Variants in ANO7 observed in about 807,000 individuals in gnomAD.
ANO7 encodes anoctamin-7.
In ANO7, 114 loss-of-function variants were observed where a neutral mutation model predicts 115.8. The observed-to-expected ratio is 0.98, with a 90% confidence interval of 0.85 to 1.15. ANO7 has a LOEUF of 1.15. Ranked by LOEUF, ANO7 falls within the 50% of genes most tolerant of loss-of-function variation. The probability of loss-of-function intolerance (pLI) is 0.00; values close to 1 mark genes in which losing one functional copy is unlikely to be tolerated. For synonymous variants in ANO7, 550 were observed against 498.2 expected (o/e 1.10, Z -1.38); for missense variants, 1,302 against 1,201.2 (o/e 1.08, Z -1.24).
rs1448282490 is a variant in ANO7 at position 241,202,257 on chromosome 2, C to G, written c.676C>G (p.Gln226Glu). The G allele has an allele frequency of 1.9e-6, 3 of 1,613,672 alleles. No individual in the cohort carries two copies. The South Asian group carries it at 3.3e-5, about 18-fold the overall frequency. ...GAAGAAAAACCTGCTTGGGATCCAC[C>G]AGCTGCTGGCAGAGGGTGTCCTCAG... Reference protein sequence around the residue: ...HEKKNLLGIHQLLAEGVLSAA... With the variant: ...HEKKNLLGIHELLAEGVLSAA... The change falls in exon 8 of 25, where the codon CAG becomes GAG. Residue 226 changes from glutamine to glutamate, a missense_variant. By Grantham distance (29) the Gln-to-Glu change is conservative. Coordinates refer to ENST00000674324, the MANE Select transcript of ANO7 (RefSeq NM_001370694.2).
At chr2:241,209,704 C>T in intron 13 of ANO7, 69 bp downstream of exon 13, 2 of 1,487,854 alleles carry the variant, frequency 1.3e-6, no homozygotes, top group Non-Finnish European at 1.8e-6. Flanking sequence ...TTTTGTCCCC[C>T]ATCTCACCTT....
At chr2:241,236,237 A>T in the ANO7 span, 1 of 272,066 alleles carries the variant, frequency 3.7e-6, no homozygotes, top group Non-Finnish European at 7.0e-6. Flanking sequence ...CTCGACACTG[A>T]CTGCACACAA....
chr2:241,232,653 G>A, the ANO7 span, among the ~76,000 whole-genome samples: 1 of 152,066 alleles, frequency 6.6e-6, no homozygotes, highest in African/African-American at 2.4e-5. Context: ...GGGCTTAAAA[G>A]AGCTAAACTC....
intron 3 of ANO7, among the ~76,000 whole-genome samples, chr2:241,195,429 G>A (rs1413795799): frequency 6.6e-5 from 10 of 152,190 alleles, no homozygotes; most frequent in Admixed American, 5.2e-4. Flanking sequence ...GCAGGGATGA[G>A]CACCATAGCA....
At chr2:241,220,254 A>G (rs1297195991) in intron 21 of ANO7, among the ~76,000 whole-genome samples, 3 of 152,250 alleles carry the variant, frequency 2.0e-5, no homozygotes, top group Admixed American at 6.5e-5. Context: ...AGAAATATGT[A>G]TCACGCATAT....
At chr2:241,237,323 G>A in the ANO7 span, among the ~76,000 whole-genome samples, 8 of 152,302 alleles carry the variant, frequency 5.3e-5, no homozygotes, top group African/African-American at 1.7e-4. Context: ...GTGAAGAGGC[G>A]TGTGAACAGG....
intron 9 of ANO7, among the ~76,000 whole-genome samples, chr2:241,204,311 A>G (rs1302162669): frequency 1.3e-5 from 2 of 152,046 alleles, no homozygotes; most frequent in East Asian, 3.9e-4. Context: ...CAGGCAGGAG[A>G]CAGGACACCA....
At chr2:241,219,168 G>T (rs2068948690) in intron 21 of ANO7, among the ~76,000 whole-genome samples, 1 of 152,198 alleles carries the variant, frequency 6.6e-6, no homozygotes, top group Non-Finnish European at 1.5e-5. Context: ...CAGTTGTGGA[G>T]ACTTCCTTTG....
chr2:241,219,231 C>T (rs1474803344), intron 21 of ANO7, among the ~76,000 whole-genome samples: 1 of 152,232 alleles, frequency 6.6e-6, no homozygotes, highest in African/African-American at 2.4e-5. Context: ...TGAAAAGCAT[C>T]ATAGTCTCCT....
Position 241,194,518 on chromosome 2 carries a change from C to A in ANO7, c.167-1185C>A, listed in dbSNP as rs545474531. ...TATTTTTAGTAGATATGGGGTTTCACCGTGTTAGCCAGGATGGTCTTGATC... is the reference window on the plus strand; with the variant it reads ...TATTTTTAGTAGATATGGGGTTTCAACGTGTTAGCCAGGATGGTCTTGATC... On this transcript the variant is annotated intron_variant, in intron 3 of 24. Coordinates refer to ENST00000674324, the MANE Select transcript of ANO7 (RefSeq NM_001370694.2). 3.3e-5 allele frequency among the ~76,000 whole-genome samples: 5 copies of A among 151,920 alleles called. No homozygotes were observed. The South Asian group carries it at 1.0e-3, about 32-fold the overall frequency.
rs199829153 is a variant in ANO7, at chr2:241,209,284, G to A, written c.1078-1G>A. The stretch of plus-strand genomic sequence containing the variant: ...CTGGACGCCCCCGCTCCCTGCCACA[G>A]GCCGGCCGGCTGTTCGACCACGGCG... On this transcript the variant is annotated splice_acceptor_variant, in intron 11 of 24. Coordinates refer to ENST00000674324, the MANE Select transcript of ANO7 (RefSeq NM_001370694.2). LOFTEE classifies it high-confidence loss of function. 126 of 1,551,510 alleles carry A rather than the reference G, an allele frequency of 8.1e-5. 1 individual carries two copies. The African/African-American group carries it at 1.4e-3, about 18-fold the overall frequency.
intron 15 of ANO7, 43 bp downstream of exon 15, chr2:241,210,613 C>A: frequency 6.4e-7 from 1 of 1,554,554 alleles, no homozygotes; most frequent in South Asian, 1.1e-5. Flanking sequence ...AGGGGCCCAC[C>A]CTGCCGGCCG....
chr2:241,209,032 C>G (rs1171072325), intron 11 of ANO7, among the ~76,000 whole-genome samples: 1 of 152,202 alleles, frequency 6.6e-6, no homozygotes, highest in African/African-American at 2.4e-5. Flanking sequence ...GCCTGTAGTC[C>G]CAGCTACTTG....
At chr2:241,234,071 G>A in the ANO7 span, 1 of 1,291,358 alleles carries the variant, frequency 7.7e-7, no homozygotes, top group South Asian at 1.3e-5. Flanking sequence ...GCAGTGTTCT[G>A]TAACCCGTGG....
At chr2:241,232,171 CGG>C in the ANO7 span, among the ~76,000 whole-genome samples, 3 of 152,170 alleles carry the variant, frequency 2.0e-5, no homozygotes, top group Admixed American at 1.3e-4. Context: ...ACCTCAAGAT[CGG>C]AAGCACAGCT....
chr2:241,222,647 A>G (rs924380218), intron 21 of ANO7, among the ~76,000 whole-genome samples: 1 of 152,104 alleles, frequency 6.6e-6, no homozygotes, highest in South Asian at 2.1e-4. Context: ...GGAGTGCAAC[A>G]TGTAACTTTA....
downstream of ANO7, among the ~76,000 whole-genome samples, chr2:241,226,992 T>C (rs2069202350): frequency 6.6e-6 from 1 of 152,134 alleles, no homozygotes; most frequent in Admixed American, 6.5e-5. Flanking sequence ...GGCAGAGTCC[T>C]AAAAGGGAGT....
rs753024309 is a variant in ANO7 at position 241,214,829 on chromosome 2, G to A, written c.1753G>A (p.Glu585Lys). ...EECAAGGCLI[E>K]LAQELLVIMV... ...GTGCGCGGCTGGAGGCTGCCTGATC[G>A]AGCTGGCACAGGAGCTCCTGGTCAT... is the stretch of plus-strand genomic sequence containing the variant. Residue 585 changes from glutamate (E) to lysine (K), a missense_variant, in exon 18 of 25, where the codon GAG (glutamate) becomes AAG (lysine). Transcript: ENST00000674324. The A allele has an allele frequency of 5.0e-6, 8 of 1,612,330 alleles. No individual in the cohort carries two copies. Among genetic ancestry groups the A allele is most frequent in the East Asian group, 2.2e-5 (1 of 44,870 alleles).
Position 241,188,856 on chromosome 2 carries a change from C to T in ANO7, c.-8+90C>T, listed in dbSNP as rs2068119290. 4 of 1,499,286 alleles carry T rather than the reference C, an allele frequency of 2.7e-6. No homozygotes were observed. The highest frequency in any genetic ancestry group is 1.3e-5 in the South Asian group (1 of 77,894). The allele number at this position is 1,499,286 out of a possible 1,614,324, so 92.9% of individuals were successfully genotyped here. ...AGGGCGGCACCCCAGCCCACCGGGA[C>T]TTTCACACACCCTGGCCTGTGGGGA... On this transcript the variant is annotated intron_variant, in intron 1 of 24. Coordinates refer to ENST00000674324, the MANE Select transcript of ANO7 (RefSeq NM_001370694.2). This position sits in a 1 kb window ranked among gnomAD's most constrained non-coding sequence, Gnocchi z 4.3.
Sources: gnomAD v4.1 joint callset for allele counts (sites outside exome capture counted in the v4.1 genomes callset) on GRCh38, gnomAD v4.1.1 for gene constraint, Gnocchi (gnomAD v3.1) non-coding constraint, MANE v1.5 for transcripts, NCBI Gene and HGNC (gene_info 2026-07-23, HGNC 2026-07-21) for gene names.